The following PDE6G variants were observed in gnomAD, a reference collection of about 807,000 sequenced individuals.
PDE6G encodes the protein rod cGMP 3',5'-cyclic phosphodiesterase subunit gamma.
Under a neutral mutation model 10.9 loss-of-function variants are expected in PDE6G, and 10 were observed. The observed-to-expected ratio is 0.91, with a 90% CI of 0.56 to 1.55. The LOEUF is 1.55. PDE6G is among the 40% of genes most tolerant of loss of function. PDE6G has a pLI of 0.00. For synonymous variants in PDE6G, 41 were observed against 42.8 expected, an observed-to-expected ratio of 0.96 and a Z score of 0.16; for missense variants, 102 against 110.1, an observed-to-expected ratio of 0.93 and a Z score of 0.33.
Position 81,653,299 on chromosome 17 carries a change from G to A in PDE6G, c.7C>T (p.Leu3=), listed in dbSNP as rs1165789104. 4 of 1,612,964 alleles carry A rather than the reference G, an allele frequency of 2.5e-6. No homozygotes were observed. The highest frequency in any genetic ancestry group is 3.4e-6 in the Non-Finnish European group (4 of 1,179,844). Residue 3 remains leucine (L), a synonymous_variant, in exon 2 of 4, where the codon CTG becomes TTG. Transcript: ENST00000331056. This position sits in a 1 kb window ranked among gnomAD's most constrained non-coding sequence, Gnocchi z 5.2. Reference sequence around the variant, plus strand: ...CGGAACTCAGCCTTGGGCGGTTCCAGGTTCATGGTGAGGCTGACGGAGACA... The same window carrying A: ...CGGAACTCAGCCTTGGGCGGTTCCAAGTTCATGGTGAGGCTGACGGAGACA... MN[L]EPPKAEFRSA...
chr17:81,656,350 G>A (rs1048624659), intron 1 of PDE6G, 143 bp downstream of exon 1: 3 of 641,242 alleles, frequency 4.7e-6, no homozygotes. Flanking sequence ...CAGGGTGGCG[G>A]GTAGGCATCT....
In PDE6G at chr17:81,653,220, T is replaced by C. The variant is rs2036391629; in HGVS notation, c.86A>G (p.Lys29Arg). Residue 29 changes from lysine to arginine, a missense_variant, in exon 2 of 4, where the codon AAA becomes AGA. Lys to Arg is a conservative substitution (Grantham distance 26). Transcript: ENST00000331056. The surrounding 1 kb of genome is among the most constrained non-coding windows in gnomAD (Gnocchi z 5.2). The stretch of plus-strand genomic sequence containing the variant: ...CTGCCTGGTCTGTCGCTGCTTAAAT[T>C]TAGGGGGCCCTTTCCTGGGGGTGAC... ...GPVTPRKGPP[K>R]FKQRQTRQFK... The C allele has an allele frequency of 6.2e-7, 1 of 1,614,014 alleles. No individual in the cohort carries two copies. The highest frequency in any genetic ancestry group is 1.3e-5 in the African/African-American group (1 of 74,924).
intron 1 of PDE6G, among the ~76,000 whole-genome samples, chr17:81,655,151 G>T (rs904140412): frequency 2.0e-5 from 3 of 152,144 alleles, no homozygotes; most frequent in Non-Finnish European, 4.4e-5. Context: ...CCCACTCACG[G>T]AGGCATCCCT....
Position 81,653,064 on chromosome 17 carries a change from T to C in PDE6G, c.146+96A>G, listed in dbSNP as rs2036386987. On this transcript the variant is annotated intron_variant, in intron 2 of 3. Transcript: ENST00000331056. This position sits in a 1 kb window ranked among gnomAD's most constrained non-coding sequence, Gnocchi z 5.2. Reference sequence around the variant, plus strand: ...TGTGAGGCTGGGACCACTCACCCAGTGAAGTGGCCCCAGGCTCTGCCCCGC... The same window carrying C: ...TGTGAGGCTGGGACCACTCACCCAGCGAAGTGGCCCCAGGCTCTGCCCCGC... The C allele has an allele frequency of 3.6e-6, 5 of 1,395,784 alleles. No individual in the cohort carries two copies. The highest frequency in any genetic ancestry group is 5.1e-6 in the Non-Finnish European group (5 of 983,276). 86.5% of individuals were successfully genotyped at this position (1,395,784 alleles called of 1,614,324 possible).
In PDE6G at chr17:81,653,383, C is replaced by G; in HGVS notation, c.-59-19G>C. 1 of 1,548,952 alleles carries G rather than the reference C, an allele frequency of 6.5e-7. No homozygotes were observed. Among genetic ancestry groups the G allele is most frequent in the Non-Finnish European group, 8.8e-7 (1 of 1,141,428 alleles). On this transcript the variant is annotated intron_variant, in intron 1 of 3. Transcript: ENST00000331056. The surrounding 1 kb of genome is among the most constrained non-coding windows in gnomAD (Gnocchi z 5.2). ...CTGCGGTCTGGGGGCAGACCAGGCC[C>G]GGGTCCCAGTCAGCCCTCCTGCTTC...
rs766056634 is a variant in PDE6G, at chr17:81,652,594, C to T, written c.146+566G>A. Among the ~76,000 whole-genome samples, 8 of 146,686 alleles carry T rather than the reference C, an allele frequency of 5.5e-5. No individual in the cohort carries two copies. The South Asian group carries it at 9.8e-4, about 18-fold the overall frequency. On this transcript the variant is annotated intron_variant, in intron 2 of 3. Transcript: ENST00000331056. ...CCCCGGCCGTTTTGTTTTTTTGAGA[C>T]GGAGTTTTGTTCTTCTTGTTGCCCA... is the stretch of plus-strand genomic sequence containing the variant.
intron 1 of PDE6G, among the ~76,000 whole-genome samples, chr17:81,654,811 G>A (rs1236390438): frequency 1.3e-5 from 2 of 149,868 alleles, no homozygotes; most frequent in East Asian, 2.0e-4. Flanking sequence ...GCAGTGGCAC[G>A]ATCTCAGCTC....
Position 81,653,685 on chromosome 17 carries a change from G to C in PDE6G, c.-59-321C>G. On this transcript the variant is annotated intron_variant, in intron 1 of 3. Coordinates refer to ENST00000331056, the MANE Select transcript of PDE6G (RefSeq NM_002602.4). This position sits in a 1 kb window ranked among gnomAD's most constrained non-coding sequence, Gnocchi z 5.2. Reference sequence around the variant, plus strand: ...AGCCTCCCAACCTGTGGCAGGTCCTGAGCCTGGAGTCCTCACCACCTCCCT... The same window carrying C: ...AGCCTCCCAACCTGTGGCAGGTCCTCAGCCTGGAGTCCTCACCACCTCCCT... 1 of 303,632 alleles carries C rather than the reference G, an allele frequency of 3.3e-6. No individual in the cohort carries two copies. The highest frequency in any genetic ancestry group is 3.6e-5 in the South Asian group (1 of 27,886). 18.8% of individuals were successfully genotyped at this position (303,632 alleles called of 1,614,324 possible).
In PDE6G at chr17:81,651,778, G is replaced by A. The variant is rs911419005; in HGVS notation, c.147-93C>T. On this transcript the variant is annotated intron_variant, in intron 2 of 3. Transcript: ENST00000331056. This position sits in a 1 kb window ranked among gnomAD's most constrained non-coding sequence, Gnocchi z 4.8. ...GTCATCTCTAGCCTTCCTAGGAGAT[G>A]AGGTGTTTGGCTGGGAGCCCAGTGG... 2.2e-6 allele frequency: 3 copies of A among 1,394,258 alleles called. No individual in the cohort carries two copies. Among genetic ancestry groups the A allele is most frequent in the Non-Finnish European group, 2.0e-6 (2 of 999,410 alleles). 86.4% of individuals were successfully genotyped at this position (1,394,258 alleles called of 1,614,324 possible). A position where few individuals can be genotyped will look rare whatever the true frequency, so the allele number is the denominator to read the frequency against.
rs2036369032 is a variant in PDE6G, at chr17:81,652,192, GGAGC to G, written c.147-511_147-508del. Among the ~76,000 whole-genome samples, 2 of 151,570 alleles carry G rather than the reference GGAGC, an allele frequency of 1.3e-5. 1 individual carries two copies. Among genetic ancestry groups the G allele is most frequent in the South Asian group, 4.2e-4 (2 of 4,798 alleles). On this transcript the variant is annotated intron_variant, in intron 2 of 3. Transcript: ENST00000331056. The stretch of plus-strand genomic sequence containing the variant: ...GTGGACACTCCTCGGTGCACTGATG[GGAGC>G]GAGATGCCCGTGTGTGCGCATGTGT...
At chr17:81,655,741 T>C (rs1488197863) in intron 1 of PDE6G, among the ~76,000 whole-genome samples, 1 of 152,224 alleles carries the variant, frequency 6.6e-6, no homozygotes, top group Admixed American at 6.5e-5. Context: ...GGACCACCTC[T>C]TGGGGTCCCC....
In PDE6G at chr17:81,653,076, A is replaced by C. The variant is rs2144401034; in HGVS notation, c.146+84T>G. 44 of 1,440,630 alleles carry C rather than the reference A, an allele frequency of 3.1e-5. No homozygotes were observed. Among genetic ancestry groups the C allele is most frequent in the East Asian group, 5.0e-5 (2 of 40,188 alleles). 89.2% of individuals were successfully genotyped at this position (1,440,630 alleles called of 1,614,324 possible). A position where few individuals can be genotyped will look rare whatever the true frequency, so the allele number is the denominator to read the frequency against. On this transcript the variant is annotated intron_variant, in intron 2 of 3. Coordinates refer to ENST00000331056, the MANE Select transcript of PDE6G (RefSeq NM_002602.4). This position sits in a 1 kb window ranked among gnomAD's most constrained non-coding sequence, Gnocchi z 5.2. Reference sequence around the variant, plus strand: ...ACCACTCACCCAGTGAAGTGGCCCCAGGCTCTGCCCCGCCCTCCCCTTCCT... The same window carrying C: ...ACCACTCACCCAGTGAAGTGGCCCCCGGCTCTGCCCCGCCCTCCCCTTCCT...
At chr17:81,662,605 A>G (rs1021511977) in intron 1 of PDE6G, among the ~76,000 whole-genome samples, 3 of 152,164 alleles carry the variant, frequency 2.0e-5, no homozygotes, top group African/African-American at 7.2e-5. Flanking sequence ...CCTGGGCCAC[A>G]GAGCAAAACT....
At position 81,653,197 on chromosome 17, in the gene PDE6G, G is replaced by A. The variant is rs750934817; in HGVS notation, c.109C>T (p.Gln37Ter). The change falls in exon 2 of 4, where the codon CAG becomes TAG. Residue 37 changes from glutamine to a stop codon, truncating the protein, a stop_gained. Coordinates refer to ENST00000331056, the MANE Select transcript of PDE6G (RefSeq NM_002602.4). LOFTEE classifies it high-confidence loss of function. This position sits in a 1 kb window ranked among gnomAD's most constrained non-coding sequence, Gnocchi z 5.2. ...PPKFKQRQTR[Q>*]FKSKPPKKGV... ...TTCTTTGGGGGCTTGCTCTTGAACT[G>A]CCTGGTCTGTCGCTGCTTAAATTTA... is the stretch of plus-strand genomic sequence containing the variant. 1.2e-6 allele frequency: 2 copies of A among 1,614,084 alleles called. No homozygotes were observed. Among genetic ancestry groups the A allele is most frequent in the South Asian group, 2.2e-5 (2 of 91,084 alleles).
chr17:81,658,381 G>C (rs1482174218), upstream of PDE6G, among the ~76,000 whole-genome samples: 1 of 150,064 alleles, frequency 6.7e-6, no homozygotes, highest in Non-Finnish European at 1.5e-5. Flanking sequence ...ACCGTGCCTG[G>C]CCACAGTGGC....
intron 1 of PDE6G, among the ~76,000 whole-genome samples, chr17:81,655,817 G>C (rs2036438670): frequency 1.3e-5 from 2 of 152,202 alleles, no homozygotes; most frequent in Non-Finnish European, 1.5e-5. Context: ...CCAGCTGTTT[G>C]CCGAGCTTCA....
chr17:81,659,530 C>T (rs530985778), upstream of PDE6G, among the ~76,000 whole-genome samples: 121 of 151,910 alleles, frequency 8.0e-4, no homozygotes, highest in African/African-American at 2.9e-3. Flanking sequence ...ACCCGGGAGG[C>T]GGAGGTTGCA....
In PDE6G at chr17:81,651,677, T is replaced by G. The variant is rs961635324; in HGVS notation, c.155A>C (p.Asp52Ala). 6.2e-6 allele frequency: 10 copies of G among 1,613,924 alleles called. No homozygotes were observed. Among genetic ancestry groups the G allele is most frequent in the East Asian group, 2.2e-5 (1 of 44,864 alleles). The change falls in exon 3 of 4, where the codon GAC becomes GCC. Residue 52 changes from aspartate (D) to alanine (A), a missense_variant. Coordinates refer to ENST00000331056, the MANE Select transcript of PDE6G (RefSeq NM_002602.4). This position sits in a 1 kb window ranked among gnomAD's most constrained non-coding sequence, Gnocchi z 4.8. Reference protein sequence around the residue: ...PPKKGVQGFGDDIPGMEGLGT... With the variant: ...PPKKGVQGFGADIPGMEGLGT... ...CAGGCCTTCCATTCCAGGGATGTCGTCCCCAAACCTGCAAGGACAGAGCAC... is the reference window on the plus strand; with the variant it reads ...CAGGCCTTCCATTCCAGGGATGTCGGCCCCAAACCTGCAAGGACAGAGCAC...
chr17:81,656,823 C>G, upstream of PDE6G: 1 of 585,526 alleles, frequency 1.7e-6, no homozygotes, highest in Non-Finnish European at 3.1e-6. Flanking sequence ...TTGGGCCTCC[C>G]TACTGCCTTT....
Sources: gnomAD v4.1 joint callset for allele counts (sites outside exome capture counted in the v4.1 genomes callset) on GRCh38, gnomAD v4.1.1 for gene constraint, Gnocchi (gnomAD v3.1) non-coding constraint, MANE v1.5 for transcripts, NCBI Gene and HGNC (gene_info 2026-07-23, HGNC 2026-07-21) for gene names.